Variants in MBNL2 observed in about 807,000 individuals in gnomAD.
MBNL2 encodes the protein muscleblind like splicing regulator 2, also known as muscleblind-like protein 2.
A neutral mutation model predicts 41.9 loss-of-function variants in MBNL2; 17 were observed. The ratio of observed to expected loss-of-function variants is 0.41; its 90% CI spans 0.28 to 0.61. The LOEUF (loss-of-function observed/expected upper bound fraction) is 0.61, where lower values mean the gene tolerates loss of function less well. MBNL2 is among the 20% of genes least tolerant of loss of function. MBNL2 has a pLI of 0.35. For synonymous variants in MBNL2, 195 were observed against 182.9 expected (o/e 1.07, Z -0.53); for missense variants, 336 against 505.6 (o/e 0.66, Z 3.22).
At chr13:97,243,746 A>G (rs1255452830) in intron 1 of MBNL2, among the ~76,000 whole-genome samples, 4 of 152,156 alleles carry the variant, frequency 2.6e-5, no homozygotes, top group Non-Finnish European at 5.9e-5. Context: ...GGGGGAAAAA[A>G]CAACAAACGA....
chr13:97,161,353 C>T, the MBNL2 span, among the ~76,000 whole-genome samples: 1 of 152,130 alleles, frequency 6.6e-6, no homozygotes, highest in African/African-American at 2.4e-5. Context: ...TTTTTTGCAG[C>T]TACATTGAAC....
chr13:97,294,460 A>G (rs1018570431), intron 2 of MBNL2, among the ~76,000 whole-genome samples: 1 of 152,232 alleles, frequency 6.6e-6, no homozygotes, highest in Non-Finnish European at 1.5e-5. Flanking sequence ...AGAACAACCA[A>G]AAAATGTCAT....
At chr13:97,337,246 A>C (rs2060965139) in intron 3 of MBNL2, among the ~76,000 whole-genome samples, 1 of 152,142 alleles carries the variant, frequency 6.6e-6, no homozygotes, top group Admixed American at 6.5e-5. Context: ...CAGACATCAA[A>C]TCTGCGGGCA....
the MBNL2 span, among the ~76,000 whole-genome samples, chr13:97,159,187 A>C: frequency 4.0e-5 from 6 of 151,824 alleles, no homozygotes; most frequent in Non-Finnish European, 8.8e-5. Flanking sequence ...TGTTGGTTTA[A>C]AGTCTGTTTT....
chr13:97,145,468 T>C, the MBNL2 span, among the ~76,000 whole-genome samples: 1 of 152,250 alleles, frequency 6.6e-6, no homozygotes, highest in East Asian at 1.9e-4. Context: ...AAGAGAAAAG[T>C]GTCCAAGGAA....
chr13:97,342,883 A>T (rs1307965519), intron 3 of MBNL2, 133 bp from the exon 4 acceptor site: 3 of 565,518 alleles, frequency 5.3e-6, no homozygotes, highest in Non-Finnish European at 9.4e-6. Flanking sequence ...CATTTTTATT[A>T]TAGGTCAGCA....
At chr13:97,375,878 G>A (rs577101349) in intron 8 of MBNL2, among the ~76,000 whole-genome samples, 2 of 152,324 alleles carry the variant, frequency 1.3e-5, no homozygotes, top group South Asian at 4.1e-4. Flanking sequence ...TGTGGCTTAT[G>A]TGAGCCAGCG....
At chr13:97,210,571 A>ATTTTTTTTTTTTTTT in the MBNL2 span, among the ~76,000 whole-genome samples, 3 of 65,466 alleles carry the variant, frequency 4.6e-5, 1 homozygote, top group African/African-American at 1.9e-4. Context: ...ACAACTGTGA[A>ATTTTTTTTTTTTTTT]TTTTTTTTTT....
intron 8 of MBNL2, among the ~76,000 whole-genome samples, chr13:97,376,969 C>T (rs1017558546): frequency 7.9e-5 from 12 of 152,174 alleles, no homozygotes; most frequent in African/African-American, 2.9e-4. Context: ...ATATTATTTC[C>T]CTTCCCAACA....
intron 1 of MBNL2, among the ~76,000 whole-genome samples, chr13:97,262,961 TA>T (rs1301878372): frequency 1.3e-5 from 2 of 152,084 alleles, no homozygotes; most frequent in Admixed American, 6.6e-5. Flanking sequence ...TATTTTATTT[TA>T]TTTTTTTGGT....
chr13:97,185,311 A>T, the MBNL2 span, among the ~76,000 whole-genome samples: 2 of 152,230 alleles, frequency 1.3e-5, no homozygotes, highest in African/African-American at 2.4e-5. Flanking sequence ...TATTTCATAA[A>T]TCTGAAATAC....
upstream of MBNL2, among the ~76,000 whole-genome samples, chr13:97,218,113 G>A (rs1442091942): frequency 2.6e-5 from 4 of 152,102 alleles, no homozygotes; most frequent in African/African-American, 4.8e-5. Context: ...GGTACATTTA[G>A]GTGAAGAATT....
At chr13:97,369,843 A>ATTAT (rs1377318166) in intron 8 of MBNL2, among the ~76,000 whole-genome samples, 5 of 152,332 alleles carry the variant, frequency 3.3e-5, no homozygotes, top group African/African-American at 1.2e-4. Context: ...ATGTTTTTTG[A>ATTAT]TTATTTAGCT....
chr13:97,339,948 A>G (rs1341481272), intron 3 of MBNL2, among the ~76,000 whole-genome samples: 1 of 151,608 alleles, frequency 6.6e-6, no homozygotes, highest in East Asian at 1.9e-4. Flanking sequence ...AAGAGTGGAC[A>G]TGGCCTCAGA....
the MBNL2 span, among the ~76,000 whole-genome samples, chr13:97,196,399 G>A: frequency 1.3e-5 from 2 of 152,322 alleles, no homozygotes; most frequent in South Asian, 2.1e-4. Context: ...ATTCAAAGAA[G>A]CAGAATTCAA....
intron 5 of MBNL2, among the ~76,000 whole-genome samples, chr13:97,354,340 A>G (rs759890841): frequency 2.6e-5 from 4 of 152,230 alleles, no homozygotes; most frequent in South Asian, 4.1e-4. Flanking sequence ...TGTATATGAA[A>G]ATGCTACATT....
At chr13:97,295,628 C>A (rs902782137) in intron 2 of MBNL2, among the ~76,000 whole-genome samples, 1 of 152,132 alleles carries the variant, frequency 6.6e-6, no homozygotes, top group Non-Finnish European at 1.5e-5. Flanking sequence ...TCAAACCCTA[C>A]CCAGCTGGCA....
the MBNL2 span, among the ~76,000 whole-genome samples, chr13:97,186,123 C>G: frequency 6.6e-6 from 1 of 152,214 alleles, no homozygotes. Flanking sequence ...AGCCCAGGAA[C>G]AGTGCTCAGC....
intron 2 of MBNL2, among the ~76,000 whole-genome samples, chr13:97,283,796 A>T (rs933878591): frequency 6.6e-6 from 1 of 152,334 alleles, no homozygotes; most frequent in Non-Finnish European, 1.5e-5. Context: ...AATACCCAAG[A>T]TATTCTGTGC....
Sources: allele counts gnomAD v4.1 joint callset (sites outside exome capture counted in the v4.1 genomes callset), GRCh38; gene constraint gnomAD v4.1.1; transcripts MANE v1.5; gene names NCBI Gene and HGNC (gene_info 2026-07-23, HGNC 2026-07-21).